IQCM: variants seen among roughly 807,000 people sequenced by gnomAD.
IQCM encodes the protein IQ motif containing M.
A neutral mutation model predicts 57.6 loss-of-function variants in IQCM; 45 were observed. That is an observed-to-expected ratio of 0.78 (90% CI 0.62 to 1.00). IQCM has a LOEUF of 1.00. IQCM is among the 50% of genes least tolerant of loss of function. The probability of loss-of-function intolerance (pLI) is 0.00; values close to 1 mark genes in which losing one functional copy is unlikely to be tolerated. For missense variants in IQCM, 468 were observed against 511.6 expected, an observed-to-expected ratio of 0.91 and a Z score of 0.82; for synonymous variants, 148 against 158.9, an observed-to-expected ratio of 0.93 and a Z score of 0.51.
At chr4:149,375,520 T>C (rs1357398257) in intron 13 of IQCM, among the ~76,000 whole-genome samples, 2 of 152,196 alleles carry the variant, frequency 1.3e-5, no homozygotes, top group African/African-American at 4.8e-5. Context: ...AATATATGTG[T>C]ATATATAGTA....
intron 12 of IQCM, among the ~76,000 whole-genome samples, chr4:149,546,749 A>C (rs1748477364): frequency 1.3e-5 from 2 of 151,724 alleles, no homozygotes; most frequent in African/African-American, 2.4e-5. Flanking sequence ...AATTGCAAAA[A>C]TTTTCTCCCA....
Position 149,639,520 on chromosome 4 carries a change from T to C in IQCM, c.566-18276A>G, listed in dbSNP as rs547656828. On this transcript the variant is annotated intron_variant, in intron 7 of 13. Coordinates refer to ENST00000636793, the MANE Select transcript of IQCM (RefSeq NM_001363507.2). ...CTTATCTTCTATTAGTACCTCCACA[T>C]AAGCAATTTATATTATTCATGTTAT... is the stretch of plus-strand genomic sequence containing the variant. Among the ~76,000 whole-genome samples the C allele has an allele frequency of 3.3e-5, 5 of 152,162 alleles. No homozygotes were observed. In the South Asian group the frequency reaches 1.0e-3, roughly 32 times the overall value.
At chr4:149,540,500 G>A (rs1747744414) in intron 12 of IQCM, among the ~76,000 whole-genome samples, 1 of 151,854 alleles carries the variant, frequency 6.6e-6, no homozygotes, top group Non-Finnish European at 1.5e-5. Flanking sequence ...GGGGCTGATA[G>A]TAGCAATAGA....
chr4:149,574,360 G>A (rs923758118), intron 9 of IQCM, among the ~76,000 whole-genome samples: 2 of 151,902 alleles, frequency 1.3e-5, no homozygotes, highest in African/African-American at 4.8e-5. Context: ...AAATAAAAAT[G>A]TGAGTCATTA....
chr4:149,753,479 T>C (rs894723621), intron 2 of IQCM, among the ~76,000 whole-genome samples: 3 of 151,994 alleles, frequency 2.0e-5, no homozygotes, highest in Non-Finnish European at 4.4e-5. Flanking sequence ...GGACACAGTA[T>C]AAGAGAATCA....
At chr4:149,484,436 T>G (rs1356771665) in intron 12 of IQCM, among the ~76,000 whole-genome samples, 1 of 151,994 alleles carries the variant, frequency 6.6e-6, no homozygotes, top group Non-Finnish European at 1.5e-5. Context: ...GTGGTATTAT[T>G]TCTTGCTTTT....
At chr4:149,493,279 G>A (rs1742293126) in intron 12 of IQCM, among the ~76,000 whole-genome samples, 1 of 151,808 alleles carries the variant, frequency 6.6e-6, no homozygotes, top group Non-Finnish European at 1.5e-5. Flanking sequence ...ATCTAGAGGA[G>A]AAAATAATTT....
At chr4:149,534,724 A>G (rs896446307) in intron 12 of IQCM, among the ~76,000 whole-genome samples, 4 of 152,148 alleles carry the variant, frequency 2.6e-5, no homozygotes, top group Non-Finnish European at 5.9e-5. Context: ...AGCATGGTTT[A>G]TAAAAGATAT....
At chr4:149,464,467 C>T (rs886134315) in intron 12 of IQCM, among the ~76,000 whole-genome samples, 1 of 152,116 alleles carries the variant, frequency 6.6e-6, no homozygotes, top group Non-Finnish European at 1.5e-5. Context: ...GGACTAAGCC[C>T]CTGGCCCCTA....
At chr4:149,632,094 T>C (rs1757315175) in intron 7 of IQCM, among the ~76,000 whole-genome samples, 1 of 152,228 alleles carries the variant, frequency 6.6e-6, no homozygotes, top group Admixed American at 6.5e-5. Flanking sequence ...TCACCAGTTC[T>C]CTCTGAAGCT....
At chr4:149,445,330 T>A (rs1264107009) in intron 12 of IQCM, among the ~76,000 whole-genome samples, 1 of 151,898 alleles carries the variant, frequency 6.6e-6, no homozygotes, top group Non-Finnish European at 1.5e-5. Context: ...CACATTTAGA[T>A]ATAAATATTT....
intron 2 of IQCM, among the ~76,000 whole-genome samples, chr4:149,755,470 C>A (rs1768874897): frequency 6.6e-6 from 1 of 152,120 alleles, no homozygotes; most frequent in South Asian, 2.1e-4. Context: ...AAGATATTTG[C>A]ATTTGCTACC....
At chr4:149,707,624 T>C (rs185253113) in intron 5 of IQCM, among the ~76,000 whole-genome samples, 2 of 151,990 alleles carry the variant, frequency 1.3e-5, no homozygotes, top group African/African-American at 4.8e-5. Context: ...AAATCTACTA[T>C]GTATGCAGCA....
At chr4:149,408,948 T>G (rs562420319) in intron 13 of IQCM, among the ~76,000 whole-genome samples, 6 of 152,320 alleles carry the variant, frequency 3.9e-5, no homozygotes, top group African/African-American at 1.4e-4. Flanking sequence ...TTCAACATTT[T>G]GTGTACACAT....
chr4:149,723,162 T>C (rs181836719), intron 5 of IQCM, among the ~76,000 whole-genome samples: 1 of 152,176 alleles, frequency 6.6e-6, no homozygotes, highest in East Asian at 1.9e-4. Flanking sequence ...ACAGAATTCA[T>C]TGCTCAAATC....
intron 12 of IQCM, among the ~76,000 whole-genome samples, chr4:149,481,708 T>TTTTTTGTTTTTTTTTTTG (rs70965188): frequency 7.4e-6 from 1 of 134,708 alleles, no homozygotes; most frequent in Admixed American, 7.6e-5. Context: ...TTTGTTTTTT[T>TTTTTTGTTTTTTTTTTTG]TTTTTTTTTT....
intron 13 of IQCM, among the ~76,000 whole-genome samples, chr4:149,359,021 A>C (rs1729280270): frequency 1.3e-5 from 2 of 151,456 alleles, no homozygotes; most frequent in Admixed American, 6.6e-5. Context: ...AACCTAAAGA[A>C]GGGGACATCA....
intron 12 of IQCM, among the ~76,000 whole-genome samples, chr4:149,530,380 T>A (rs1746606596): frequency 6.6e-6 from 1 of 152,086 alleles, no homozygotes; most frequent in Non-Finnish European, 1.5e-5. Flanking sequence ...ATACAACATA[T>A]AAGATGCTCA....
At chr4:149,548,851 T>G (rs2149896951) in intron 11 of IQCM, among the ~76,000 whole-genome samples, 1 of 152,276 alleles carries the variant, frequency 6.6e-6, no homozygotes, top group African/African-American at 2.4e-5. Context: ...ATAAATCCTA[T>G]AATGTCAACT....
Sources: allele counts gnomAD v4.1 joint callset (sites outside exome capture counted in the v4.1 genomes callset), GRCh38; gene constraint gnomAD v4.1.1; transcripts MANE v1.5; gene names NCBI Gene and HGNC (gene_info 2026-07-23, HGNC 2026-07-21).